OSMR: variants seen among roughly 807,000 people sequenced by gnomAD.
OSMR encodes oncostatin-M-specific receptor subunit beta.
In OSMR, 81 loss-of-function variants were observed where a neutral mutation model predicts 99.9. The observed-to-expected ratio is 0.81, with a 90% CI of 0.68 to 0.97. The LOEUF (loss-of-function observed/expected upper bound fraction) is 0.97. Among genes scored for constraint, OSMR ranks in the 50% least tolerant of loss-of-function variants. The pLI, the probability that OSMR is intolerant of heterozygous loss-of-function variation, is 0.00. For synonymous variants in OSMR, 406 were observed against 410.4 expected, an observed-to-expected ratio of 0.99 and a Z score of 0.13; for missense variants, 1,099 against 1,153.4, an observed-to-expected ratio of 0.95 and a Z score of 0.68.
chr5:38,892,883 A>T (rs1744249396), intron 7 of OSMR, among the ~76,000 whole-genome samples: 2 of 150,676 alleles, frequency 1.3e-5, no homozygotes, highest in Non-Finnish European at 1.5e-5. Flanking sequence ...ACCCCTACAG[A>T]GACCTAAGTG....
In OSMR at chr5:38,933,431, A is replaced by T; in HGVS notation, c.2927A>T (p.Glu976Val). ...LSSITLLDPG[E>V]HYC Reference sequence around the variant, plus strand: ...TCAATTACCCTTTTAGATCCAGGTGAACACTACTGCTAACCAGCATGCCGA... The same window carrying T: ...TCAATTACCCTTTTAGATCCAGGTGTACACTACTGCTAACCAGCATGCCGA... Residue 976 changes from glutamate (E) to valine (V), a missense_variant, in exon 18 of 18, where the codon GAA becomes GTA. Coordinates refer to ENST00000274276, the MANE Select transcript of OSMR (RefSeq NM_003999.3). 10 of 1,614,126 alleles carry T rather than the reference A, an allele frequency of 6.2e-6. No individual in the cohort carries two copies. Among genetic ancestry groups the T allele is most frequent in the Non-Finnish European group, 8.5e-6 (10 of 1,179,986 alleles).
intron 7 of OSMR, among the ~76,000 whole-genome samples, chr5:38,893,394 C>T (rs1371429937): frequency 2.0e-5 from 3 of 152,046 alleles, no homozygotes; most frequent in Non-Finnish European, 2.9e-5. Context: ...TAAGGAGGCT[C>T]GAAGAGATCC....
chr5:38,880,369 T>C (rs1159912543), intron 3 of OSMR, among the ~76,000 whole-genome samples: 1 of 152,182 alleles, frequency 6.6e-6, no homozygotes, highest in Non-Finnish European at 1.5e-5. Flanking sequence ...ACCTTGCAGC[T>C]GTGGGGCAGG....
chr5:38,908,040 A>AC (rs531841054), intron 9 of OSMR, among the ~76,000 whole-genome samples: 2 of 150,488 alleles, frequency 1.3e-5, no homozygotes, highest in Non-Finnish European at 3.0e-5. Context: ...TGGCCCCACA[A>AC]CCCCCCCAAC....
At chr5:38,853,480 G>A (rs1197224866) in intron 1 of OSMR, among the ~76,000 whole-genome samples, 1 of 152,066 alleles carries the variant, frequency 6.6e-6, no homozygotes, top group Non-Finnish European at 1.5e-5. Context: ...AGCATTTTAT[G>A]TCAGAGTCCA....
At chr5:38,901,396 T>G (rs369763541) in intron 7 of OSMR, among the ~76,000 whole-genome samples, 24 of 152,326 alleles carry the variant, frequency 1.6e-4, no homozygotes, top group Admixed American at 1.6e-3. Flanking sequence ...TGATCTTAAA[T>G]GTGCCAGTTT....
At chr5:38,942,381 A>G (rs1257058468) in intron 1 of OSMR, 9 of 1,579,200 alleles carry the variant, frequency 5.7e-6, no homozygotes, top group African/African-American at 1.3e-5. Flanking sequence ...TCATGCATCT[A>G]GGGAAAAAAT....
intron 9 of OSMR, among the ~76,000 whole-genome samples, chr5:38,915,943 T>C (rs930997222): frequency 4.6e-5 from 7 of 152,228 alleles, no homozygotes; most frequent in African/African-American, 1.7e-4. Flanking sequence ...GGATGTGCTA[T>C]AATTGGGTCA....
rs1425712692 is a variant in OSMR at position 38,881,749 on chromosome 5, T to A, written c.403T>A (p.Trp135Arg). 1 of 1,614,082 alleles carries A rather than the reference T, an allele frequency of 6.2e-7. No homozygotes were observed. Among genetic ancestry groups the A allele is most frequent in the Non-Finnish European group, 8.5e-7 (1 of 1,179,922 alleles). ...AAATTTCTGGAGCAACTGGAGTTCC[T>A]GGGAGGAAGTCAGTGGTAAGAAGTG... ...EPNFWSNWSS[W>R]EEVSVQDSTG... Residue 135 changes from tryptophan to arginine, a missense_variant, in exon 4 of 18, where the codon TGG becomes AGG. By Grantham distance (101) the Trp-to-Arg change is moderately radical. Transcript: ENST00000274276.
chr5:38,885,069 A>C (rs1743600633), intron 5 of OSMR: 4 of 432,450 alleles, frequency 9.2e-6, no homozygotes, highest in Non-Finnish European at 1.2e-5. Flanking sequence ...CTGGGGATAC[A>C]ACCCTTGTCA....
At chr5:38,907,102 C>G (rs185351279) in intron 9 of OSMR, among the ~76,000 whole-genome samples, 97 of 152,288 alleles carry the variant, frequency 6.4e-4, no homozygotes, top group Middle Eastern at 3.4e-3. Context: ...GTCAAACTCT[C>G]TTTGCTGATG....
chr5:38,943,509 C>T (rs970258847), intron 1 of OSMR, among the ~76,000 whole-genome samples: 4 of 151,974 alleles, frequency 2.6e-5, no homozygotes, highest in Admixed American at 6.6e-5. Flanking sequence ...CCTATATCAC[C>T]CTTAAAAAAA....
At chr5:38,872,281 C>T (rs2367704) in intron 2 of OSMR, among the ~76,000 whole-genome samples, 27,189 of 152,150 alleles carry the variant, frequency 0.18, 2,728 homozygotes, top group Admixed American at 0.25. Context: ...TCACTGATAG[C>T]GTATGTTAAT....
intron 9 of OSMR, among the ~76,000 whole-genome samples, chr5:38,914,288 C>T (rs1034766317): frequency 1.3e-5 from 2 of 152,168 alleles, no homozygotes. Flanking sequence ...AGGGTATTCT[C>T]TTGAGCGTCT....
intron 1 of OSMR, chr5:38,942,439 A>T: frequency 1.1e-6 from 1 of 919,518 alleles, no homozygotes; most frequent in Non-Finnish European, 1.6e-6. Context: ...TAACATATTT[A>T]TATAAATATC....
rs372262897 is a variant in OSMR at position 38,904,342 on chromosome 5, T to C, written c.1135-11T>C. ...CTCTTTTTTCTTTTCTTCTCTTTTT[T>C]GATCAAGCAGTACAATGTTTCCATC... On this transcript the variant is annotated splice_polypyrimidine_tract_variant and intron_variant, in intron 8 of 17. Transcript: ENST00000274276. 6.2e-7 allele frequency: 1 copy of C among 1,613,438 alleles called. No homozygotes were observed. Among genetic ancestry groups the C allele is most frequent in the South Asian group, 1.1e-5 (1 of 91,014 alleles).
chr5:38,904,108 C>A, intron 8 of OSMR, 84 bp downstream of exon 8: 1 of 1,574,284 alleles, frequency 6.4e-7, no homozygotes, highest in Non-Finnish European at 8.6e-7. Context: ...TCACTTTAAA[C>A]TCTTATTTCT....
chr5:38,917,285 T>C (rs78277921), intron 9 of OSMR: 7 of 277,544 alleles, frequency 2.5e-5, no homozygotes, highest in Non-Finnish European at 3.3e-5. Flanking sequence ...CAAACTTCTT[T>C]GGTAGTTGTA....
downstream of OSMR, chr5:38,945,447 T>C (rs1346196709): frequency 2.3e-6 from 3 of 1,297,620 alleles, no homozygotes; most frequent in Admixed American, 2.0e-5. Flanking sequence ...CAGAGAACTT[T>C]AGTCATCACT....
Sources: allele counts gnomAD v4.1 joint callset (sites outside exome capture counted in the v4.1 genomes callset), GRCh38; gene constraint gnomAD v4.1.1; transcripts MANE v1.5; gene names NCBI Gene and HGNC (gene_info 2026-07-23, HGNC 2026-07-21).